NXT1: variants seen among roughly 807,000 people sequenced by gnomAD.
NXT1 encodes the protein NTF2-related export protein 1.
In NXT1, 3 loss-of-function variants were observed where a neutral mutation model predicts 9.9. The ratio of observed to expected loss-of-function variants is 0.30; its 90% CI spans 0.14 to 0.79. The LOEUF (loss-of-function observed/expected upper bound fraction) is 0.79. Ranked by LOEUF, NXT1 falls within the 30% of genes least tolerant of loss-of-function variation. NXT1 has a pLI of 0.63. For synonymous variants in NXT1, 53 were observed against 66.5 expected (o/e 0.80, Z 0.99); for missense variants, 91 against 178.2 (o/e 0.51, Z 2.79).
At chr20:23,352,604 A>G (rs1217310667) in intron 1 of NXT1, among the ~76,000 whole-genome samples, 2 of 150,964 alleles carry the variant, frequency 1.3e-5, no homozygotes, top group Admixed American at 6.6e-5. Flanking sequence ...CTATTTTAGT[A>G]ATGTCCTCTT....
Position 23,353,987 on chromosome 20 carries a change from G to A in NXT1, c.-55G>A. The A allele has an allele frequency of 4.5e-6, 7 of 1,551,274 alleles. No individual in the cohort carries two copies. In the South Asian group the frequency reaches 7.3e-5, roughly 16 times the overall value. ...CAACCTTACTTCCCTGCAGCCCCTG[G>A]TTCCCCAAGGCAGAGGAAATACCCT... is the stretch of plus-strand genomic sequence containing the variant. On this transcript the variant is annotated 5_prime_UTR_variant, in exon 2 of 2. Transcript: ENST00000254998.
intron 1 of NXT1, among the ~76,000 whole-genome samples, chr20:23,351,877 A>G (rs140699933): frequency 1.1e-3 from 167 of 152,304 alleles, no homozygotes; most frequent in African/African-American, 3.8e-3. Context: ...CATTTGTAAA[A>G]TTGTTATAGT....
At chr20:23,353,958 T>C (rs1215154585) in intron 1 of NXT1, 23 bp from the exon 2 acceptor site, 49 of 1,395,382 alleles carry the variant, frequency 3.5e-5, no homozygotes, top group Non-Finnish European at 4.6e-5. Flanking sequence ...ACGTGGCTTC[T>C]CTTCAACCTT....
chr20:23,354,151 G>A lies in NXT1; in HGVS notation c.110G>A (p.Arg37His), dbSNP rs1010978209. The A allele has an allele frequency of 2.5e-6, 4 of 1,614,046 alleles. No homozygotes were observed. The highest frequency in any genetic ancestry group is 3.4e-6 in the Non-Finnish European group (4 of 1,180,048). ...GATAAGCGGCGGCGTTTGCTGTCCC[G>A]CCTGTACATGGGCACAGCCACCCTG... The part of the protein sequence containing the change: ...TMDKRRRLLS[R>H]LYMGTATLVW... The change falls in exon 2 of 2, where the codon CGC becomes CAC. Residue 37 changes from arginine (R) to histidine (H), a missense_variant. Physicochemically the swap from Arg to His is conservative, Grantham distance 29 (BLOSUM62 0). Transcript: ENST00000254998.
chr20:23,353,575 G>A (rs6137901), intron 1 of NXT1, among the ~76,000 whole-genome samples: 11,308 of 152,222 alleles, frequency 0.074, 641 homozygotes, highest in East Asian at 0.29. Flanking sequence ...AGCCGAGGTC[G>A]CGCCACTGCA....
In NXT1 at chr20:23,353,965, C is replaced by A. The variant is rs2122997202; in HGVS notation, c.-61-16C>A. On this transcript the variant is annotated splice_polypyrimidine_tract_variant and intron_variant, in intron 1 of 1. Coordinates refer to ENST00000254998, the MANE Select transcript of NXT1 (RefSeq NM_013248.3). ...TGGCATTCACGTGGCTTCTCTTCAA[C>A]CTTACTTCCCTGCAGCCCCTGGTTC... 6.8e-7 allele frequency: 1 copy of A among 1,460,140 alleles called. No individual in the cohort carries two copies. The highest frequency in any genetic ancestry group is 9.4e-7 in the Non-Finnish European group (1 of 1,068,562). The allele number at this position is 1,460,140 out of a possible 1,614,324, so 90.4% of individuals were successfully genotyped here. A position where few individuals can be genotyped will look rare whatever the true frequency, so the allele number is the denominator to read the frequency against.
At chr20:23,351,704 A>C (rs1204847893) in intron 1 of NXT1, among the ~76,000 whole-genome samples, 1 of 152,032 alleles carries the variant, frequency 6.6e-6, no homozygotes, top group African/African-American at 2.4e-5. Context: ...GAAAATTCCC[A>C]CTCTAGCAGT....
intron 1 of NXT1, among the ~76,000 whole-genome samples, chr20:23,352,005 A>G (rs1359648588): frequency 1.3e-5 from 2 of 152,228 alleles, no homozygotes; most frequent in African/African-American, 4.8e-5. Flanking sequence ...ACCAACCTCA[A>G]ATCAAAAATA....
intron 1 of NXT1, 86 bp from the exon 2 acceptor site, chr20:23,353,895 T>G: frequency 1.3e-6 from 1 of 745,160 alleles, no homozygotes; most frequent in Non-Finnish European, 2.2e-6. Context: ...ATTTTGCCAG[T>G]AGTAGAAAAG....
chr20:23,353,817 T>G (rs1980335552), intron 1 of NXT1, among the ~76,000 whole-genome samples, 164 bp from the exon 2 acceptor site: 1 of 152,220 alleles, frequency 6.6e-6, no homozygotes, highest in Non-Finnish European at 1.5e-5. Context: ...TGAGTCTTAG[T>G]AAAATTAGGC....
chr20:23,354,389 C>T lies in NXT1; in HGVS notation c.348C>T (p.Thr116=), dbSNP rs143714669. 24 of 1,614,056 alleles carry T rather than the reference C, an allele frequency of 1.5e-5. No individual in the cohort carries two copies. Among genetic ancestry groups the T allele is most frequent in the Middle Eastern group, 1.6e-4 (1 of 6,084 alleles). Residue 116 remains threonine, a synonymous_variant, in exon 2 of 2, where the codon ACC becomes ACT. Transcript: ENST00000254998. ...ACTTCAACCAGAACTTCATCCTGAC[C>T]GCCCAGGCCTCACCCAGCAACACAG... is the stretch of plus-strand genomic sequence containing the variant. The part of the protein sequence containing the change: ...QRDFNQNFIL[T]AQASPSNTVW...
chr20:23,351,498 A>G (rs1980265922), intron 1 of NXT1: 1 of 152,222 alleles, frequency 6.6e-6, no homozygotes, highest in Non-Finnish European at 1.5e-5. Context: ...CCTCATAGGT[A>G]GCTGAAAACC....
At chr20:23,352,001 C>A (rs1268590129) in intron 1 of NXT1, among the ~76,000 whole-genome samples, 1 of 152,174 alleles carries the variant, frequency 6.6e-6, no homozygotes, top group Non-Finnish European at 1.5e-5. Context: ...TTCAACCAAC[C>A]TCAAATCAAA....
intron 1 of NXT1, among the ~76,000 whole-genome samples, chr20:23,353,399 C>A (rs1980325740): frequency 6.6e-6 from 1 of 152,200 alleles, no homozygotes; most frequent in Admixed American, 6.5e-5. Context: ...GCAGGCAGAT[C>A]ACCTGAGGTC....
chr20:23,351,653 A>T (rs1461920780), intron 1 of NXT1, among the ~76,000 whole-genome samples: 2 of 152,170 alleles, frequency 1.3e-5, no homozygotes, highest in Non-Finnish European at 2.9e-5. Flanking sequence ...AGTGAGGTGG[A>T]GATCGGGAAT....
At chr20:23,353,428 T>G (rs1248223343) in intron 1 of NXT1, among the ~76,000 whole-genome samples, 1 of 152,226 alleles carries the variant, frequency 6.6e-6, no homozygotes, top group East Asian at 1.9e-4. Flanking sequence ...GAGACCAGAC[T>G]GGCCAACATG....
intron 1 of NXT1, chr20:23,351,388 G>A (rs1980262395): frequency 6.6e-6 from 1 of 152,314 alleles, no homozygotes; most frequent in Non-Finnish European, 1.5e-5. Context: ...ACACTCGACG[G>A]TGTGGGTCGT....
rs1249576620 is a variant in NXT1, at chr20:23,354,129, A to G, written c.88A>G (p.Lys30Glu). ...FVNVYYTTMD[K>E]RRRLLSRLYM... ...CAATGTCTACTACACCACCATGGATAAGCGGCGGCGTTTGCTGTCCCGCCT... is the reference window on the plus strand; with the variant it reads ...CAATGTCTACTACACCACCATGGATGAGCGGCGGCGTTTGCTGTCCCGCCT... Residue 30 changes from lysine to glutamate, a missense_variant, in exon 2 of 2, where the codon AAG (lysine) becomes GAG (glutamate). Transcript: ENST00000254998. 2 of 1,614,054 alleles carry G rather than the reference A, an allele frequency of 1.2e-6. No individual in the cohort carries two copies. The highest frequency in any genetic ancestry group is 1.7e-6 in the Non-Finnish European group (2 of 1,180,050).
chr20:23,352,962 T>G (rs1423525987), intron 1 of NXT1, among the ~76,000 whole-genome samples: 2 of 152,230 alleles, frequency 1.3e-5, no homozygotes, highest in Non-Finnish European at 2.9e-5. Context: ...TCATGTCATT[T>G]GTGTTTCTAC....
Sources: gnomAD v4.1 joint callset for allele counts (sites outside exome capture counted in the v4.1 genomes callset) on GRCh38, gnomAD v4.1.1 for gene constraint, MANE v1.5 for transcripts, NCBI Gene and HGNC (gene_info 2026-07-23, HGNC 2026-07-21) for gene names.